Variants in L3MBTL3 observed in about 807,000 individuals in gnomAD.
L3MBTL3 encodes the protein L3MBTL histone methyl-lysine binding protein 3.
L3MBTL3 carries 27 observed loss-of-function variants against 102.3 expected under a neutral mutation model. That is an observed-to-expected ratio of 0.26 (90% CI 0.19 to 0.36). The LOEUF is 0.36. Ranked by LOEUF, L3MBTL3 falls within the 10% of genes least tolerant of loss-of-function variation. L3MBTL3 has a pLI of 1.00. For missense variants in L3MBTL3, 798 were observed against 955.3 expected (o/e 0.84, Z 2.17); for synonymous variants, 340 against 320.9 (o/e 1.06, Z -0.64).
intron 2 of L3MBTL3, among the ~76,000 whole-genome samples, chr6:130,039,678 A>C (rs1780295791): frequency 1.3e-5 from 2 of 152,186 alleles, no homozygotes; most frequent in African/African-American, 2.4e-5. Context: ...ATGATAGTAT[A>C]TATAAGCATA....
chr6:130,133,149 T>G lies in L3MBTL3; in HGVS notation c.1967-303T>G, dbSNP rs148965876. Among the ~76,000 whole-genome samples the G allele has an allele frequency of 1.6e-3, 245 of 152,332 alleles. 2 individuals are homozygous for G. The highest frequency in any genetic ancestry group is 6.8e-3 in the Middle Eastern group (2 of 294). ...CTTCCTAGAATAAGACTAACTTTCC[T>G]TCCCATTAAAACTTTGAGGCACGTT... On this transcript the variant is annotated intron_variant, in intron 20 of 22. Transcript: ENST00000361794. The surrounding 1 kb of genome is among the most constrained non-coding windows in gnomAD (Gnocchi z 4.9).
chr6:130,040,863 C>T (rs140461231), intron 2 of L3MBTL3, among the ~76,000 whole-genome samples: 1 of 152,110 alleles, frequency 6.6e-6, no homozygotes, highest in African/African-American at 2.4e-5. Flanking sequence ...GACTTAATAA[C>T]ATTTATTATT....
chr6:130,131,075 A>T (rs1313776981), intron 20 of L3MBTL3, among the ~76,000 whole-genome samples: 1 of 152,246 alleles, frequency 6.6e-6, no homozygotes, highest in Non-Finnish European at 1.5e-5. Flanking sequence ...AATATTAATG[A>T]GAGATATTAA....
At chr6:130,110,206 T>G (rs1785265233) in intron 19 of L3MBTL3, among the ~76,000 whole-genome samples, 1 of 152,204 alleles carries the variant, frequency 6.6e-6, no homozygotes, top group Non-Finnish European at 1.5e-5. Flanking sequence ...CATATGAAGT[T>G]TAAAGTAGTT....
At chr6:130,115,187 C>T (rs1382956136) in intron 19 of L3MBTL3, among the ~76,000 whole-genome samples, 3 of 152,136 alleles carry the variant, frequency 2.0e-5, no homozygotes, top group Non-Finnish European at 4.4e-5. Context: ...GCAAAGGCCC[C>T]ATGAGACTAG....
intron 2 of L3MBTL3, among the ~76,000 whole-genome samples, chr6:130,038,880 A>G (rs1290536632): frequency 1.3e-5 from 2 of 152,154 alleles, no homozygotes; most frequent in East Asian, 3.8e-4. Flanking sequence ...ATGATCAGAA[A>G]TAGGCTTAAT....
At chr6:130,078,693 T>C in intron 14 of L3MBTL3, 59 bp downstream of exon 14, 1 of 1,175,150 alleles carries the variant, frequency 8.5e-7, no homozygotes, top group Non-Finnish European at 1.3e-6. Flanking sequence ...AGGCAGACTT[T>C]TTCTGTAAAG....
At chr6:130,125,291 C>T (rs1222985027) in intron 20 of L3MBTL3, among the ~76,000 whole-genome samples, 2 of 152,212 alleles carry the variant, frequency 1.3e-5, no homozygotes, top group Non-Finnish European at 2.9e-5. Flanking sequence ...CTGCCTTTAA[C>T]ATGAATTTTA....
chr6:130,032,671 C>T (rs781562048), intron 2 of L3MBTL3, among the ~76,000 whole-genome samples: 9 of 152,218 alleles, frequency 5.9e-5, no homozygotes, highest in Non-Finnish European at 1.0e-4. Context: ...TTATTCTTTG[C>T]ATTTTACACA....
chr6:130,129,961 T>C (rs890451637), intron 20 of L3MBTL3, among the ~76,000 whole-genome samples: 1 of 152,246 alleles, frequency 6.6e-6, no homozygotes, highest in Non-Finnish European at 1.5e-5. Context: ...ATGAAGCTGC[T>C]TTCTTTATTC....
At chr6:130,115,997 AC>A (rs1221062946) in intron 19 of L3MBTL3, among the ~76,000 whole-genome samples, 6 of 152,256 alleles carry the variant, frequency 3.9e-5, no homozygotes, top group African/African-American at 7.2e-5. Context: ...CATTCTACAA[AC>A]ATGGAACCTC....
At chr6:130,084,465 G>A (rs1024243593) in intron 15 of L3MBTL3, among the ~76,000 whole-genome samples, 1 of 152,034 alleles carries the variant, frequency 6.6e-6, no homozygotes, top group Non-Finnish European at 1.5e-5. Context: ...AATTAATTAT[G>A]AGGTATAGGT....
chr6:130,110,367 C>T (rs1018224075), intron 19 of L3MBTL3, among the ~76,000 whole-genome samples: 1 of 152,168 alleles, frequency 6.6e-6, no homozygotes, highest in East Asian at 1.9e-4. Flanking sequence ...TCTCTTATTT[C>T]CTTGAGCAGT....
At chr6:130,089,278 CATT>C (rs1783887788) in intron 16 of L3MBTL3, among the ~76,000 whole-genome samples, 1 of 145,524 alleles carries the variant, frequency 6.9e-6, no homozygotes, top group African/African-American at 2.5e-5. Flanking sequence ...CAAGTTTTCT[CATT>C]GTTCAGTTCC....
intron 16 of L3MBTL3, among the ~76,000 whole-genome samples, chr6:130,091,318 C>A (rs1784032265): frequency 6.6e-6 from 1 of 152,112 alleles, no homozygotes; most frequent in African/African-American, 2.4e-5. Context: ...GGTTCATAGA[C>A]TTCTAAAAAG....
intron 10 of L3MBTL3, among the ~76,000 whole-genome samples, chr6:130,062,048 C>A (rs1198024795): frequency 2.6e-5 from 4 of 152,140 alleles, no homozygotes; most frequent in Non-Finnish European, 5.9e-5. Context: ...TAAGTATAGA[C>A]TGCTTTTGAG....
chr6:130,072,583 A>T (rs1782706757), intron 13 of L3MBTL3, among the ~76,000 whole-genome samples: 1 of 152,238 alleles, frequency 6.6e-6, no homozygotes, highest in Admixed American at 6.5e-5. Flanking sequence ...CATATACAAA[A>T]GTAGAATAAT....
chr6:130,047,737 T>G (rs576874019), intron 3 of L3MBTL3, among the ~76,000 whole-genome samples: 1 of 152,194 alleles, frequency 6.6e-6, no homozygotes, highest in Non-Finnish European at 1.5e-5. Flanking sequence ...ATCATGGTAG[T>G]TTGTTTTTTC....
intron 3 of L3MBTL3, among the ~76,000 whole-genome samples, chr6:130,048,967 C>CACACACACATACAT (rs71678245): frequency 6.6e-6 from 1 of 150,566 alleles, no homozygotes; most frequent in Non-Finnish European, 1.5e-5. Context: ...CACACACACA[C>CACACACACATACAT]ACATACACAC....
Sources: allele counts gnomAD v4.1 joint callset (sites outside exome capture counted in the v4.1 genomes callset), GRCh38; gene constraint gnomAD v4.1.1; non-coding constraint Gnocchi (gnomAD v3.1); transcripts MANE v1.5; gene names NCBI Gene and HGNC (gene_info 2026-07-23, HGNC 2026-07-21).